Variants in CSGALNACT1 observed in about 807,000 individuals in gnomAD.
CSGALNACT1 encodes beta4GalNAcT-1.
A neutral mutation model predicts 51.0 loss-of-function variants in CSGALNACT1; 52 were observed. That is an observed-to-expected ratio of 1.02 (90% CI 0.82 to 1.29). The LOEUF (loss-of-function observed/expected upper bound fraction) is 1.29. Among genes scored for constraint, CSGALNACT1 ranks in the 50% most tolerant of loss-of-function variants. The probability of loss-of-function intolerance (pLI) is 0.00; values close to 1 mark genes in which losing one functional copy is unlikely to be tolerated. For synonymous variants in CSGALNACT1, 341 were observed against 254.4 expected, an observed-to-expected ratio of 1.34 and a Z score of -3.24; for missense variants, 935 against 679.2, an observed-to-expected ratio of 1.38 and a Z score of -4.19.
In CSGALNACT1 at chr8:19,651,912, TC is replaced by T. The variant is rs1564351952; in HGVS notation, c.-544+30560del. On this transcript the variant is annotated intron_variant, in intron 1 of 9. Coordinates refer to the CSGALNACT1 transcript ENST00000332246. ...TTTCCTTTTCTCTACAACCTCGCTGTCTGTTTTTTTTTGTTTTGTTTTGTTT... is the reference window on the plus strand; with the variant it reads ...TTTCCTTTTCTCTACAACCTCGCTGTTGTTTTTTTTTGTTTTGTTTTGTTT... 1.1e-3 allele frequency among the ~76,000 whole-genome samples: 115 copies of T among 104,714 alleles called. 2 individuals carry two copies. The highest frequency in any genetic ancestry group is 3.3e-3 in the East Asian group (14 of 4,190). 68.7% of individuals were successfully genotyped at this position (104,714 alleles called of 152,430 possible). A position where few individuals can be genotyped will look rare whatever the true frequency, so the allele number is the denominator to read the frequency against.
At chr8:19,465,146 C>A (rs988954358) in intron 4 of CSGALNACT1, among the ~76,000 whole-genome samples, 1 of 152,220 alleles carries the variant, frequency 6.6e-6, no homozygotes. Context: ...ACCCATACAA[C>A]AGAGTACCAT....
chr8:19,469,913 C>T (rs1046841192), intron 4 of CSGALNACT1, among the ~76,000 whole-genome samples: 1 of 151,856 alleles, frequency 6.6e-6, no homozygotes, highest in African/African-American at 2.4e-5. Flanking sequence ...ATTTGCTTCA[C>T]AGAAGGAGAA....
intron 1 of CSGALNACT1, among the ~76,000 whole-genome samples, chr8:19,726,127 T>C (rs2063386409): frequency 6.6e-6 from 1 of 152,236 alleles, no homozygotes; most frequent in Non-Finnish European, 1.5e-5. Context: ...TACTGATAAT[T>C]CTGCCTGCAT....
chr8:19,424,583 G>A (rs1484645241), intron 6 of CSGALNACT1, among the ~76,000 whole-genome samples: 1 of 152,218 alleles, frequency 6.6e-6, no homozygotes, highest in Non-Finnish European at 1.5e-5. Context: ...AAACTTACCA[G>A]TACTGGCCAT....
At chr8:19,735,182 C>T (rs1445600767) in intron 1 of CSGALNACT1, among the ~76,000 whole-genome samples, 1 of 152,110 alleles carries the variant, frequency 6.6e-6, no homozygotes, top group African/African-American at 2.4e-5. Flanking sequence ...TTGCCCATCT[C>T]AGCATTGGCT....
chr8:19,439,851 C>G (rs143971943), exon 6 of CSGALNACT1: 2 of 1,613,912 alleles, frequency 1.2e-6, no homozygotes, highest in East Asian at 2.2e-5. Flanking sequence ...TTCAAGTATT[C>G]CTTTGACTTC....
chr8:19,448,427 T>C (rs1399356840), intron 5 of CSGALNACT1, among the ~76,000 whole-genome samples: 10 of 152,178 alleles, frequency 6.6e-5, no homozygotes, highest in Non-Finnish European at 4.4e-5. Context: ...AGAAAATTTC[T>C]CAGTCCCAAG....
chr8:19,543,118 G>T (rs558014956), intron 3 of CSGALNACT1, among the ~76,000 whole-genome samples: 1 of 152,188 alleles, frequency 6.6e-6, no homozygotes, highest in East Asian at 1.9e-4. Context: ...CTAGGCTCAC[G>T]GAGTTTTCAA....
At chr8:19,424,748 T>C (rs1006250868) in intron 6 of CSGALNACT1, among the ~76,000 whole-genome samples, 3 of 152,156 alleles carry the variant, frequency 2.0e-5, no homozygotes, top group Admixed American at 6.5e-5. Flanking sequence ...CAACAGTGGA[T>C]TGAAAGGCAG....
chr8:19,673,107 C>T (rs539587667), intron 1 of CSGALNACT1, among the ~76,000 whole-genome samples: 1 of 152,300 alleles, frequency 6.6e-6, no homozygotes, highest in Admixed American at 6.5e-5. Context: ...CTTACACACA[C>T]CAGCAGTGAG....
intron 3 of CSGALNACT1, among the ~76,000 whole-genome samples, chr8:19,528,687 C>A: frequency 6.6e-6 from 1 of 152,156 alleles, no homozygotes; most frequent in East Asian, 1.9e-4. Flanking sequence ...GATGGGTTCT[C>A]CCTCAACACC....
chr8:19,456,424 T>A (rs923760291), intron 5 of CSGALNACT1, among the ~76,000 whole-genome samples: 1 of 152,186 alleles, frequency 6.6e-6, no homozygotes, highest in African/African-American at 2.4e-5. Context: ...GATAACCTCG[T>A]CCTAGAAATG....
At chr8:19,657,211 C>T (rs989789833) in intron 1 of CSGALNACT1, among the ~76,000 whole-genome samples, 1 of 138,648 alleles carries the variant, frequency 7.2e-6, no homozygotes, top group Non-Finnish European at 1.5e-5. Context: ...CAGAATAAAC[C>T]AGAGAAAGAC....
At chr8:19,754,168 C>T (rs2065216725) in intron 1 of CSGALNACT1, among the ~76,000 whole-genome samples, 1 of 152,088 alleles carries the variant, frequency 6.6e-6, no homozygotes, top group African/African-American at 2.4e-5. Context: ...GCTAGGATTA[C>T]AGGCATGTGC....
At chr8:19,449,922 A>G (rs961489174) in intron 5 of CSGALNACT1, among the ~76,000 whole-genome samples, 6 of 151,676 alleles carry the variant, frequency 4.0e-5, no homozygotes, top group African/African-American at 1.5e-4. Context: ...GTTATTATGA[A>G]GTTCTTCCTG....
At chr8:19,738,967 C>T (rs998036074) in intron 1 of CSGALNACT1, among the ~76,000 whole-genome samples, 7 of 152,072 alleles carry the variant, frequency 4.6e-5, no homozygotes, top group Non-Finnish European at 1.0e-4. Context: ...AATGTGAGGC[C>T]CTCCTATACA....
intron 3 of CSGALNACT1, among the ~76,000 whole-genome samples, chr8:19,507,186 T>C (rs970683012): frequency 6.6e-6 from 1 of 152,142 alleles, no homozygotes. Flanking sequence ...GAATTTATCA[T>C]AGAAGGGATG....
At chr8:19,680,566 C>G (rs1466695198) in intron 1 of CSGALNACT1, among the ~76,000 whole-genome samples, 3 of 20,206 alleles carry the variant, frequency 1.5e-4, no homozygotes, top group African/African-American at 4.6e-4. Flanking sequence ...CTCGCCCCAC[C>G]CCCCCCCCCC....
chr8:19,604,297 A>G (rs1419653333), upstream of CSGALNACT1, among the ~76,000 whole-genome samples: 1 of 152,190 alleles, frequency 6.6e-6, no homozygotes, highest in Non-Finnish European at 1.5e-5. Flanking sequence ...AACTGGACAG[A>G]CGCTCTATAG....
Sources: allele counts gnomAD v4.1 joint callset (sites outside exome capture counted in the v4.1 genomes callset), GRCh38; gene constraint gnomAD v4.1.1; transcripts MANE v1.5; gene names NCBI Gene and HGNC (gene_info 2026-07-23, HGNC 2026-07-21).